Variants in TMEM132D observed in about 807,000 individuals in gnomAD.
TMEM132D encodes the protein mature OL transmembrane protein.
In TMEM132D, 21 loss-of-function variants were observed where a neutral mutation model predicts 62.3. The ratio of observed to expected loss-of-function variants is 0.34; its 90% CI spans 0.24 to 0.49. The LOEUF is 0.49. TMEM132D is among the 20% of genes least tolerant of loss of function. TMEM132D has a pLI of 0.99. For missense variants in TMEM132D, 1,346 were observed against 1,402.8 expected (o/e 0.96, Z 0.65); for synonymous variants, 621 against 575.6 (o/e 1.08, Z -1.13).
At chr12:129,587,999 C>T (rs1398019441) in intron 2 of TMEM132D, among the ~76,000 whole-genome samples, 1 of 152,130 alleles carries the variant, frequency 6.6e-6, no homozygotes, top group East Asian at 1.9e-4. Flanking sequence ...GGGGAAGAGC[C>T]ACTTCCTCAC....
chr12:129,759,944 T>C (rs12314834), intron 1 of TMEM132D, among the ~76,000 whole-genome samples: 4,100 of 152,154 alleles, frequency 0.027, 95 homozygotes, highest in African/African-American at 0.059. Flanking sequence ...CTTGCTCTGT[T>C]GCCCAGACTG....
At chr12:129,245,293 T>G (rs182979981) in intron 4 of TMEM132D, among the ~76,000 whole-genome samples, 1 of 152,332 alleles carries the variant, frequency 6.6e-6, no homozygotes, top group East Asian at 1.9e-4. Flanking sequence ...TGTCATATAC[T>G]TGGATCAATA....
At chr12:129,179,744 C>G (rs1441906137) in intron 5 of TMEM132D, among the ~76,000 whole-genome samples, 2 of 152,096 alleles carry the variant, frequency 1.3e-5, no homozygotes, top group Admixed American at 1.3e-4. Flanking sequence ...AAAAGTGACA[C>G]CGGCCGGGCC....
At chr12:129,395,392 TTTAA>T (rs1871394397) in intron 3 of TMEM132D, among the ~76,000 whole-genome samples, 1 of 152,110 alleles carries the variant, frequency 6.6e-6, no homozygotes, top group Admixed American at 6.5e-5. Flanking sequence ...TTAAATTAGA[TTTAA>T]TTGTGGTCTT....
At chr12:129,614,627 T>C (rs1878867061) in intron 2 of TMEM132D, among the ~76,000 whole-genome samples, 2 of 152,186 alleles carry the variant, frequency 1.3e-5, no homozygotes, top group African/African-American at 4.8e-5. Context: ...TCTGATCCAC[T>C]AGTTACAAAC....
At chr12:129,241,015 C>T (rs1879922527) in intron 4 of TMEM132D, among the ~76,000 whole-genome samples, 1 of 152,046 alleles carries the variant, frequency 6.6e-6, no homozygotes, top group Admixed American at 6.5e-5. Context: ...ATTCATGCTG[C>T]CATTTTCTCC....
intron 2 of TMEM132D, among the ~76,000 whole-genome samples, chr12:129,558,614 A>C (rs1355340132): frequency 6.6e-6 from 1 of 152,144 alleles, no homozygotes; most frequent in Non-Finnish European, 1.5e-5. Flanking sequence ...GCAGACCGTA[A>C]CCCAGGACCA....
chr12:129,871,011 C>T (rs560372827), intron 1 of TMEM132D, among the ~76,000 whole-genome samples: 5 of 152,072 alleles, frequency 3.3e-5, no homozygotes, highest in Admixed American at 1.3e-4. Context: ...CAGGCAGAGT[C>T]GCTCAAATGC....
At chr12:129,141,704 C>T (rs959341252) in intron 5 of TMEM132D, among the ~76,000 whole-genome samples, 3 of 152,008 alleles carry the variant, frequency 2.0e-5, no homozygotes, top group African/African-American at 7.3e-5. Context: ...TAAGTAGGAG[C>T]TAAGCATTGG....
chr12:129,578,424 G>GTGTGTA (rs773756392), intron 2 of TMEM132D, among the ~76,000 whole-genome samples: 18 of 150,520 alleles, frequency 1.2e-4, no homozygotes, highest in African/African-American at 3.4e-4. Context: ...GTGTGTGTGT[G>GTGTGTA]TATATATATA....
intron 3 of TMEM132D, among the ~76,000 whole-genome samples, chr12:129,412,374 A>G (rs1306834328): frequency 6.6e-6 from 1 of 152,218 alleles, no homozygotes; most frequent in Admixed American, 6.5e-5. Flanking sequence ...TTGGGTTGGC[A>G]ATGAACCTAG....
intron 2 of TMEM132D, among the ~76,000 whole-genome samples, chr12:129,668,085 T>C (rs1456426257): frequency 1.3e-5 from 2 of 151,370 alleles, no homozygotes; most frequent in Admixed American, 6.6e-5. Flanking sequence ...ATACTGGAGA[T>C]TGTGACATTA....
At chr12:129,708,663 C>T (rs926312375) in intron 1 of TMEM132D, among the ~76,000 whole-genome samples, 19 of 109,780 alleles carry the variant, frequency 1.7e-4, no homozygotes, top group Non-Finnish European at 1.1e-4. Flanking sequence ...ACACAGTGCA[C>T]TCATTTAACT....
At chr12:129,557,760 A>G (rs1404238900) in intron 2 of TMEM132D, among the ~76,000 whole-genome samples, 3 of 152,214 alleles carry the variant, frequency 2.0e-5, no homozygotes, top group Non-Finnish European at 4.4e-5. Flanking sequence ...TGGTTCTGAC[A>G]TTGAGCATGG....
chr12:129,683,823 A>G lies in TMEM132D; in HGVS notation c.968+15987T>C, dbSNP rs149483291. Among the ~76,000 whole-genome samples, 686 of 152,326 alleles carry G rather than the reference A, an allele frequency of 4.5e-3. 2 individuals carry two copies. The highest frequency in any genetic ancestry group is 0.02 in the Middle Eastern group (6 of 294). ...TCTATCCTTGCCCACTCGAATCTGC[A>G]GACCAGAATTCATACCAGCCATCAT... On this transcript the variant is annotated intron_variant, in intron 2 of 8. Coordinates refer to ENST00000422113, the MANE Select transcript of TMEM132D (RefSeq NM_133448.3).
At position 129,867,583 on chromosome 12, in the gene TMEM132D, G is replaced by A; in HGVS notation, c.79+35678C>T. 6.6e-6 allele frequency among the ~76,000 whole-genome samples: 1 copy of A among 152,138 alleles called. No individual in the cohort carries two copies. Among genetic ancestry groups the A allele is most frequent in the East Asian group, 1.9e-4 (1 of 5,192 alleles). ...TAGTGTCCTTGAAATGTACTGAGAG[G>A]ATAAATCTTCAGTGTTTTCCTCATA... On this transcript the variant is annotated intron_variant, in intron 1 of 8. Coordinates refer to ENST00000422113, the MANE Select transcript of TMEM132D (RefSeq NM_133448.3). The surrounding 1 kb of genome is among the most constrained non-coding windows in gnomAD (Gnocchi z 4.5).
chr12:129,338,733 C>T (rs1025716327), intron 3 of TMEM132D, among the ~76,000 whole-genome samples: 1 of 152,160 alleles, frequency 6.6e-6, no homozygotes, highest in African/African-American at 2.4e-5. Context: ...AATTTTACAC[C>T]TTTGAGAAAT....
intron 2 of TMEM132D, among the ~76,000 whole-genome samples, chr12:129,696,013 T>G (rs998240099): frequency 4.6e-5 from 7 of 152,224 alleles, no homozygotes; most frequent in Non-Finnish European, 7.3e-5. Context: ...TGAAATAGAA[T>G]AAGAAGAAAT....
intron 3 of TMEM132D, among the ~76,000 whole-genome samples, chr12:129,452,259 C>G (rs78648253): frequency 2.0e-5 from 3 of 152,146 alleles, no homozygotes. Flanking sequence ...TGCCGAACAC[C>G]GGAAGAAAGG....
Sources: allele counts gnomAD v4.1 joint callset (sites outside exome capture counted in the v4.1 genomes callset), GRCh38; gene constraint gnomAD v4.1.1; non-coding constraint Gnocchi (gnomAD v3.1); transcripts MANE v1.5; gene names NCBI Gene and HGNC (gene_info 2026-07-23, HGNC 2026-07-21).